The following DPP6 variants were observed in gnomAD, a reference collection of about 807,000 sequenced individuals.
DPP6 encodes the protein A-type potassium channel modulatory protein DPP6.
In DPP6, 69 loss-of-function variants were observed where a neutral mutation model predicts 122.6. The ratio of observed to expected loss-of-function variants is 0.56; its 90% CI spans 0.46 to 0.69. The LOEUF is 0.69. Ranked by LOEUF, DPP6 falls within the 30% of genes least tolerant of loss-of-function variation. The probability of loss-of-function intolerance (pLI) is 0.00; values close to 1 mark genes in which losing one functional copy is unlikely to be tolerated. For synonymous variants in DPP6, 418 were observed against 433.1 expected, an observed-to-expected ratio of 0.97 and a Z score of 0.43; for missense variants, 928 against 1,116.9, an observed-to-expected ratio of 0.83 and a Z score of 2.41.
intron 1 of DPP6, among the ~76,000 whole-genome samples, chr7:154,122,370 T>C (rs556418421): frequency 6.6e-6 from 1 of 152,182 alleles, no homozygotes; most frequent in African/African-American, 2.4e-5. Flanking sequence ...GAGAACCACA[T>C]ATAGTCAAGG....
chr7:154,382,568 G>A (rs576979135), intron 1 of DPP6, among the ~76,000 whole-genome samples: 183 of 152,326 alleles, frequency 1.2e-3, no homozygotes, highest in African/African-American at 4.1e-3. Flanking sequence ...ATAGCTAATA[G>A]CTAACAAATG....
intron 1 of DPP6, among the ~76,000 whole-genome samples, chr7:154,027,217 C>G (rs1798991910): frequency 6.6e-6 from 1 of 150,974 alleles, no homozygotes; most frequent in Non-Finnish European, 1.5e-5. Flanking sequence ...TAGCTCACTT[C>G]CCACCAGGAA....
In DPP6 at chr7:154,600,596, AGAT is replaced by A. The variant is rs1268452217; in HGVS notation, c.627+33686_627+33688del. Among the ~76,000 whole-genome samples, 7 of 121,818 alleles carry A rather than the reference AGAT, an allele frequency of 5.7e-5. 1 individual carries two copies. The highest frequency in any genetic ancestry group is 1.8e-4 in the Admixed American group (2 of 10,954). The allele number at this position is 121,818 out of a possible 152,430, so 79.9% of individuals were successfully genotyped here. On this transcript the variant is annotated intron_variant, in intron 5 of 25. Transcript: ENST00000377770. Reference sequence around the variant, plus strand: ...TGTGGTAACTCTTACACCATTTTATAGATGATGAAACCAAGGCTAAAGGAAATA... The same window carrying A: ...TGTGGTAACTCTTACACCATTTTATAGATGAAACCAAGGCTAAAGGAAATA...
intron 2 of DPP6, 130 bp from the exon 3 acceptor site, chr7:154,474,809 C>G: frequency 1.6e-6 from 1 of 643,282 alleles, no homozygotes; most frequent in Admixed American, 2.8e-5. Context: ...GGCTTTTATC[C>G]CCATTCACTT....
chr7:154,090,926 C>T (rs1804768375), intron 1 of DPP6, among the ~76,000 whole-genome samples: 1 of 149,258 alleles, frequency 6.7e-6, no homozygotes, highest in African/African-American at 2.5e-5. Flanking sequence ...CGAGACCATC[C>T]TGGCTAACAC....
At chr7:154,134,785 C>T (rs1795459766) in intron 1 of DPP6, among the ~76,000 whole-genome samples, 1 of 152,072 alleles carries the variant, frequency 6.6e-6, no homozygotes, top group South Asian at 2.1e-4. Flanking sequence ...TTCCTGTGAG[C>T]CCACACTTCT....
At chr7:154,452,455 C>T (rs1368780393) in intron 2 of DPP6, among the ~76,000 whole-genome samples, 1 of 152,208 alleles carries the variant, frequency 6.6e-6, no homozygotes, top group African/African-American at 2.4e-5. Context: ...CATATGTTTG[C>T]ACACAGTGTT....
chr7:153,878,706 G>A, the DPP6 span, among the ~76,000 whole-genome samples: 3 of 152,104 alleles, frequency 2.0e-5, no homozygotes, highest in South Asian at 6.2e-4. Context: ...ATGGATGTAT[G>A]CACTTTGAGA....
chr7:154,811,646 A>G (rs547161368), intron 16 of DPP6, among the ~76,000 whole-genome samples: 1 of 152,230 alleles, frequency 6.6e-6, no homozygotes, highest in Non-Finnish European at 1.5e-5. Context: ...AGTGAATACA[A>G]GCAACCTGAT....
the DPP6 span, among the ~76,000 whole-genome samples, chr7:153,815,492 A>T: frequency 1.3e-5 from 2 of 152,078 alleles, no homozygotes; most frequent in Non-Finnish European, 2.9e-5. Flanking sequence ...AGCATTAGGT[A>T]TATCTCCTAA....
chr7:153,773,331 T>TC, the DPP6 span, among the ~76,000 whole-genome samples: 162 of 58,402 alleles, frequency 2.8e-3, 2 homozygotes, highest in African/African-American at 9.2e-3. Context: ...TATATATATA[T>TC]TTTTTTTTAA....
rs1412730674 is a variant in DPP6, at chr7:154,349,392, T to TCTCG, written c.244-96821_244-96818dup. ...GGTTTCACCATGTCGGCCAGGCTTGTCTCGAACTCCTGACCTCAGGTGATC... is the reference window on the plus strand; with the variant it reads ...GGTTTCACCATGTCGGCCAGGCTTGTCTCGCTCGAACTCCTGACCTCAGGTGATC... On this transcript the variant is annotated intron_variant, in intron 1 of 25. Coordinates refer to ENST00000377770, the MANE Select transcript of DPP6 (RefSeq NM_130797.4). Among the ~76,000 whole-genome samples the TCTCG allele has an allele frequency of 2.0e-5, 3 of 152,176 alleles. No individual in the cohort carries two copies. In the South Asian group the frequency reaches 6.2e-4, roughly 32 times the overall value.
the DPP6 span, among the ~76,000 whole-genome samples, chr7:153,781,323 G>A: frequency 6.6e-6 from 1 of 152,100 alleles, no homozygotes; most frequent in East Asian, 1.9e-4. Context: ...TCACTAATCC[G>A]AGATCAAAAT....
At chr7:153,826,818 G>A in the DPP6 span, among the ~76,000 whole-genome samples, 2 of 151,512 alleles carry the variant, frequency 1.3e-5, no homozygotes, top group African/African-American at 4.9e-5. Flanking sequence ...GCTGATCTTT[G>A]CTTAAAAATT....
rs1834399482 is a variant in DPP6, at chr7:154,618,296, A to G, written c.628-19525A>G. 6.6e-6 allele frequency among the ~76,000 whole-genome samples: 1 copy of G among 152,116 alleles called. No individual in the cohort carries two copies. The highest frequency in any genetic ancestry group is 2.4e-5 in the African/African-American group (1 of 41,412). On this transcript the variant is annotated intron_variant, in intron 5 of 25. Transcript: ENST00000377770. The surrounding 1 kb of genome is among the most constrained non-coding windows in gnomAD (Gnocchi z 4.1). ...CCCAACCCCTGAGGAAGCTCAGCAG[A>G]GATGCTTCAGGATGAGATTAGGCTC...
intron 1 of DPP6, among the ~76,000 whole-genome samples, chr7:154,151,524 G>A (rs1389424730): frequency 6.6e-6 from 1 of 152,256 alleles, no homozygotes; most frequent in East Asian, 1.9e-4. Context: ...GAAGCAGACA[G>A]TAGCAGCGAC....
At chr7:153,945,161 T>C (rs1321010175) in intron 1 of DPP6, among the ~76,000 whole-genome samples, 2 of 152,208 alleles carry the variant, frequency 1.3e-5, no homozygotes, top group Non-Finnish European at 2.9e-5. Flanking sequence ...CAACAACTGC[T>C]GCTCTGTGTG....
At chr7:154,309,166 C>T (rs1480697108) in intron 1 of DPP6, among the ~76,000 whole-genome samples, 1 of 152,244 alleles carries the variant, frequency 6.6e-6, no homozygotes, top group Non-Finnish European at 1.5e-5. Flanking sequence ...AGCCTACATT[C>T]CACTGGCTAA....
intron 1 of DPP6, among the ~76,000 whole-genome samples, chr7:154,109,367 T>C (rs1420835609): frequency 3.9e-5 from 6 of 152,212 alleles, no homozygotes; most frequent in Admixed American, 6.5e-5. Flanking sequence ...CTCAGTTCAT[T>C]GCAACCTCTG....
Sources: gnomAD v4.1 joint callset for allele counts (sites outside exome capture counted in the v4.1 genomes callset) on GRCh38, gnomAD v4.1.1 for gene constraint, Gnocchi (gnomAD v3.1) non-coding constraint, MANE v1.5 for transcripts, NCBI Gene and HGNC (gene_info 2026-07-23, HGNC 2026-07-21) for gene names.